VPS53: variants seen among roughly 807,000 people sequenced by gnomAD.
VPS53 encodes VPS53 subunit of GARP complex.
Under a neutral mutation model 107.0 loss-of-function variants are expected in VPS53, and 70 were observed. The ratio of observed to expected loss-of-function variants is 0.65; its 90% CI spans 0.54 to 0.80. The LOEUF (loss-of-function observed/expected upper bound fraction) is 0.80. VPS53 is among the 30% of genes least tolerant of loss of function. The pLI, the probability that VPS53 is intolerant of heterozygous loss-of-function variation, is 0.00. For missense variants in VPS53, 917 were observed against 1,049.4 expected, an observed-to-expected ratio of 0.87 and a Z score of 1.74; for synonymous variants, 409 against 393.3, an observed-to-expected ratio of 1.04 and a Z score of -0.47.
At chr17:672,916 T>C (rs766500280) in intron 4 of VPS53, among the ~76,000 whole-genome samples, 1 of 151,906 alleles carries the variant, frequency 6.6e-6, no homozygotes, top group Non-Finnish European at 1.5e-5. Context: ...ATCGAGACCA[T>C]CCTGGCGAAC....
chr17:551,464 AG>A (rs1345832710), intron 17 of VPS53, among the ~76,000 whole-genome samples: 1 of 152,142 alleles, frequency 6.6e-6, no homozygotes, highest in African/African-American at 2.4e-5. Context: ...GCTACTTGGG[AG>A]GCTGAGGCAG....
At chr17:525,600 G>C (rs896843783) in intron 19 of VPS53, among the ~76,000 whole-genome samples, 1 of 151,998 alleles carries the variant, frequency 6.6e-6, no homozygotes, top group African/African-American at 2.4e-5. Context: ...AGGCTGAGGT[G>C]GGAAGATGGC....
intron 4 of VPS53, among the ~76,000 whole-genome samples, chr17:677,415 G>C (rs1972212503): frequency 6.6e-6 from 1 of 152,144 alleles, no homozygotes; most frequent in Non-Finnish European, 1.5e-5. Flanking sequence ...AATTCATAGA[G>C]ACAGAAAGTA....
chr17:690,413 TGA>T (rs778672852), intron 4 of VPS53, among the ~76,000 whole-genome samples: 1 of 152,234 alleles, frequency 6.6e-6, no homozygotes, highest in Non-Finnish European at 1.5e-5. Flanking sequence ...TTAAAAATTG[TGA>T]GAGTTACATG....
At chr17:657,125 AT>A in intron 5 of VPS53, 2 of 1,240,384 alleles carry the variant, frequency 1.6e-6, no homozygotes, top group Non-Finnish European at 2.4e-6. Flanking sequence ...ATTCACCTTG[AT>A]GAGGGGTCAG....
intron 7 of VPS53, among the ~76,000 whole-genome samples, chr17:636,056 A>C (rs1302845804): frequency 6.6e-6 from 1 of 152,064 alleles, no homozygotes; most frequent in Admixed American, 6.6e-5. Context: ...ATTTGTTTGT[A>C]TACTCTTTTA....
chr17:700,403 T>C (rs867494697), intron 2 of VPS53, among the ~76,000 whole-genome samples: 2 of 151,222 alleles, frequency 1.3e-5, no homozygotes, highest in Non-Finnish European at 2.9e-5. Flanking sequence ...AAAAAAAAAT[T>C]AGGCAGGCTT....
intron 7 of VPS53, among the ~76,000 whole-genome samples, chr17:636,125 T>C (rs1230297947): frequency 1.3e-5 from 2 of 152,312 alleles, no homozygotes; most frequent in South Asian, 2.1e-4. Context: ...CCCTTGTAAG[T>C]TGGATTCCTA....
chr17:558,728 G>C (rs1912672107), intron 15 of VPS53, among the ~76,000 whole-genome samples: 1 of 151,416 alleles, frequency 6.6e-6, no homozygotes, highest in East Asian at 1.9e-4. Context: ...GCTCACACCT[G>C]TAATCCCAGC....
chr17:701,519 A>T (rs1215158204), intron 2 of VPS53, among the ~76,000 whole-genome samples: 1 of 150,086 alleles, frequency 6.7e-6, no homozygotes, highest in Non-Finnish European at 1.5e-5. Flanking sequence ...CTGGGATTAC[A>T]GGCACATGCC....
At chr17:587,805 A>G (rs1218118485) in intron 12 of VPS53, among the ~76,000 whole-genome samples, 2 of 152,192 alleles carry the variant, frequency 1.3e-5, no homozygotes, top group Non-Finnish European at 2.9e-5. Context: ...CCCACAACAT[A>G]CTTGTTAAAT....
intron 12 of VPS53, among the ~76,000 whole-genome samples, chr17:591,841 G>A (rs1267399835): frequency 6.6e-6 from 1 of 152,204 alleles, no homozygotes; most frequent in South Asian, 2.1e-4. Flanking sequence ...TGAAAAAAAT[G>A]TATATTCTGT....
chr17:611,486 T>C (rs1436584469), intron 11 of VPS53, among the ~76,000 whole-genome samples: 3 of 152,148 alleles, frequency 2.0e-5, no homozygotes, highest in Non-Finnish European at 4.4e-5. Context: ...ACATTGTGGG[T>C]AGAAATGTAA....
intron 2 of VPS53, among the ~76,000 whole-genome samples, chr17:701,907 G>C (rs977187255): frequency 2.0e-5 from 3 of 151,818 alleles, no homozygotes; most frequent in Non-Finnish European, 4.4e-5. Flanking sequence ...TTATTATTTT[G>C]TTATAAACAC....
At chr17:593,476 G>A (rs1456766672) in intron 12 of VPS53, among the ~76,000 whole-genome samples, 10 of 151,788 alleles carry the variant, frequency 6.6e-5, no homozygotes, top group Admixed American at 2.0e-4. Context: ...AAAACAAACA[G>A]CCCCATCAAA....
intron 4 of VPS53, among the ~76,000 whole-genome samples, chr17:678,114 C>T (rs1342135475): frequency 6.6e-6 from 1 of 152,064 alleles, no homozygotes; most frequent in Non-Finnish European, 1.5e-5. Context: ...CAGCCAGACC[C>T]TGTCTCAAGA....
At chr17:597,535 G>C (rs1490321640) in intron 12 of VPS53, among the ~76,000 whole-genome samples, 1 of 152,136 alleles carries the variant, frequency 6.6e-6, no homozygotes, top group African/African-American at 2.4e-5. Flanking sequence ...GGATCAGCTA[G>C]ATTAGGGGGT....
chr17:662,946 C>T (rs1014681415), intron 4 of VPS53, among the ~76,000 whole-genome samples: 10 of 151,906 alleles, frequency 6.6e-5, no homozygotes, highest in Non-Finnish European at 1.2e-4. Context: ...GTGGCTCACA[C>T]CTGTAATCCC....
At chr17:600,511 A>G (rs1035807344) in intron 12 of VPS53, among the ~76,000 whole-genome samples, 1 of 152,250 alleles carries the variant, frequency 6.6e-6, no homozygotes, top group African/African-American at 2.4e-5. Flanking sequence ...GCCAGTCAAT[A>G]CTATGACGGC....
Sources: gnomAD v4.1 joint callset for allele counts (sites outside exome capture counted in the v4.1 genomes callset) on GRCh38, gnomAD v4.1.1 for gene constraint, MANE v1.5 for transcripts, NCBI Gene and HGNC (gene_info 2026-07-23, HGNC 2026-07-21) for gene names.